The following SSH2 variants were observed in gnomAD, a reference collection of about 807,000 sequenced individuals.
SSH2 encodes the protein protein phosphatase Slingshot homolog 2.
In SSH2, 37 loss-of-function variants were observed where a neutral mutation model predicts 135.2. The observed-to-expected ratio is 0.27, with a 90% CI of 0.21 to 0.36. The LOEUF is 0.36. SSH2 is among the 10% of genes least tolerant of loss of function. The pLI is 1.00. For missense variants in SSH2, 1,408 were observed against 1,765.3 expected, an observed-to-expected ratio of 0.80 and a Z score of 3.63; for synonymous variants, 628 against 646.2, an observed-to-expected ratio of 0.97 and a Z score of 0.43.
intron 14 of SSH2, chr17:29,641,823 G>A (rs1008392008): frequency 6.6e-6 from 1 of 152,038 alleles, no homozygotes; most frequent in Non-Finnish European, 1.5e-5. Flanking sequence ...GGAAAAGGCT[G>A]CTAAAAATGG....
intron 3 of SSH2, among the ~76,000 whole-genome samples, chr17:29,744,070 A>G (rs1463379488): frequency 2.0e-5 from 3 of 152,176 alleles, no homozygotes; most frequent in Non-Finnish European, 4.4e-5. Context: ...CACAGGGTTA[A>G]AAATATTCAC....
At chr17:29,786,983 T>C (rs1460214117) in intron 3 of SSH2, among the ~76,000 whole-genome samples, 1 of 152,196 alleles carries the variant, frequency 6.6e-6, no homozygotes, top group Admixed American at 6.5e-5. Flanking sequence ...TTAATTGTGG[T>C]AAAATAAACA....
chr17:29,662,834 T>A (rs2037108540), intron 11 of SSH2, among the ~76,000 whole-genome samples: 1 of 152,236 alleles, frequency 6.6e-6, no homozygotes, highest in South Asian at 2.1e-4. Context: ...TCAAATCTTG[T>A]AATGTCAAAT....
chr17:29,832,014 C>T (rs766689620), intron 2 of SSH2, among the ~76,000 whole-genome samples: 4 of 152,166 alleles, frequency 2.6e-5, no homozygotes, highest in Admixed American at 1.3e-4. Flanking sequence ...AAGGAATGGA[C>T]TATTCTCTTC....
At chr17:29,919,215 C>A (rs1418106408) in intron 1 of SSH2, among the ~76,000 whole-genome samples, 2 of 152,074 alleles carry the variant, frequency 1.3e-5, no homozygotes, top group Non-Finnish European at 2.9e-5. Context: ...ATAAATATGT[C>A]TCAGACACAA....
intron 2 of SSH2, among the ~76,000 whole-genome samples, chr17:29,835,490 T>C (rs2042927355): frequency 6.6e-6 from 1 of 152,184 alleles, no homozygotes; most frequent in Non-Finnish European, 1.5e-5. Context: ...CTAACCATCA[T>C]CTGACACTTC....
At chr17:29,639,725 ATC>A (rs2036067923) in intron 14 of SSH2, 1 of 152,116 alleles carries the variant, frequency 6.6e-6, no homozygotes, top group South Asian at 2.1e-4. Flanking sequence ...CATATCACGC[ATC>A]TCAAGTGAGT....
chr17:29,651,253 G>T (rs369744594), intron 12 of SSH2, among the ~76,000 whole-genome samples: 12 of 152,182 alleles, frequency 7.9e-5, no homozygotes, highest in Admixed American at 7.2e-4. Context: ...AAAAAAGAGA[G>T]AATGAATAAC....
chr17:29,729,719 C>T (rs2040116314), intron 3 of SSH2, among the ~76,000 whole-genome samples: 1 of 152,128 alleles, frequency 6.6e-6, no homozygotes. Context: ...AGAATGAGGT[C>T]CTGTCTTTTG....
chr17:29,826,171 C>CATA (rs2042740364), intron 2 of SSH2, among the ~76,000 whole-genome samples: 1 of 152,136 alleles, frequency 6.6e-6, no homozygotes, highest in Non-Finnish European at 1.5e-5. Context: ...ATTTATGTTA[C>CATA]ATGTCCATCC....
chr17:29,864,360 T>A (rs1173432570), intron 1 of SSH2: 1 of 151,254 alleles, frequency 6.6e-6, no homozygotes, highest in African/African-American at 2.4e-5. Flanking sequence ...AAAAAAATAC[T>A]AAAAGAACCC....
chr17:29,922,716 A>C (rs1292577417), intron 1 of SSH2, among the ~76,000 whole-genome samples: 1 of 152,234 alleles, frequency 6.6e-6, no homozygotes, highest in East Asian at 1.9e-4. Context: ...CAGAAGGCTG[A>C]AGTGGGAGGA....
intron 1 of SSH2, among the ~76,000 whole-genome samples, chr17:29,912,010 C>T (rs1424348626): frequency 1.3e-5 from 2 of 152,182 alleles, no homozygotes; most frequent in African/African-American, 4.8e-5. Flanking sequence ...CTTTCCCAGG[C>T]TCTATTGCAA....
intron 2 of SSH2, among the ~76,000 whole-genome samples, chr17:29,806,846 C>T (rs1037228639): frequency 6.6e-6 from 1 of 152,168 alleles, no homozygotes; most frequent in Non-Finnish European, 1.5e-5. Context: ...TACCTGTATG[C>T]CTCTTTTGCC....
intron 1 of SSH2, among the ~76,000 whole-genome samples, chr17:29,875,983 CAAAAA>C (rs547629204): frequency 1.4e-5 from 1 of 71,702 alleles, no homozygotes; most frequent in Non-Finnish European, 3.2e-5. Context: ...AAGAGGACAC[CAAAAA>C]AAAAAAAAAA....
intron 5 of SSH2, among the ~76,000 whole-genome samples, chr17:29,692,179 A>G (rs868499912): frequency 0.014 from 2,006 of 147,706 alleles, 39 homozygotes; most frequent in African/African-American, 0.048. Flanking sequence ...AAAAAAAAAA[A>G]CAAGACTTTC....
At chr17:29,780,435 AT>A (rs71138855) in intron 3 of SSH2, 59,401 of 137,360 alleles carry the variant, frequency 0.43, 12,322 homozygotes, top group Non-Finnish European at 0.47. Context: ...GATTGTTTCA[AT>A]TTTTTTTTTT....
At chr17:29,766,466 A>AAT (rs2041450719) in intron 3 of SSH2, among the ~76,000 whole-genome samples, 1 of 151,902 alleles carries the variant, frequency 6.6e-6, no homozygotes, top group African/African-American at 2.4e-5. Flanking sequence ...TCAAAAAAAA[A>AAT]AATAATAATA....
chr17:29,731,566 G>A (rs1022489378), intron 3 of SSH2, among the ~76,000 whole-genome samples: 8 of 151,682 alleles, frequency 5.3e-5, no homozygotes, highest in African/African-American at 9.7e-5. Flanking sequence ...AGCGATTCTC[G>A]TGCCTCAGCC....
Sources: allele counts gnomAD v4.1 joint callset (sites outside exome capture counted in the v4.1 genomes callset), GRCh38; gene constraint gnomAD v4.1.1; transcripts MANE v1.5; gene names NCBI Gene and HGNC (gene_info 2026-07-23, HGNC 2026-07-21).